The following LAPTM4B variants were observed in gnomAD, a reference collection of about 807,000 sequenced individuals.
LAPTM4B encodes the protein lysosomal protein transmembrane 4 beta.
Under a neutral mutation model 28.5 loss-of-function variants are expected in LAPTM4B, and 26 were observed. The observed-to-expected ratio is 0.91, with a 90% CI of 0.67 to 1.27. The LOEUF (loss-of-function observed/expected upper bound fraction) is 1.27, where lower values mean the gene tolerates loss of function less well. Among genes scored for constraint, LAPTM4B ranks in the 50% most tolerant of loss-of-function variants. The pLI is 0.00. For synonymous variants in LAPTM4B, 109 were observed against 106.4 expected (o/e 1.02, Z -0.15); for missense variants, 288 against 285.8 (o/e 1.01, Z -0.06).
At chr8:97,809,079 T>C (rs1418633743) in intron 2 of LAPTM4B, among the ~76,000 whole-genome samples, 1 of 152,154 alleles carries the variant, frequency 6.6e-6, no homozygotes, top group African/African-American at 2.4e-5. Flanking sequence ...TATAAAACAA[T>C]TACTATTTTA....
chr8:97,824,139 GT>G (rs1259223879), intron 5 of LAPTM4B, among the ~76,000 whole-genome samples: 1 of 151,972 alleles, frequency 6.6e-6, no homozygotes, highest in African/African-American at 2.4e-5. Flanking sequence ...GAACATTCAA[GT>G]TTTTGTGTGG....
intron 1 of LAPTM4B, among the ~76,000 whole-genome samples, chr8:97,777,004 C>T (rs1816230246): frequency 6.6e-6 from 1 of 152,032 alleles, no homozygotes. Flanking sequence ...GAGTCGGATT[C>T]CGCTGCATTT....
chr8:97,818,375 A>C (rs1445678235), intron 4 of LAPTM4B, among the ~76,000 whole-genome samples: 3 of 152,186 alleles, frequency 2.0e-5, no homozygotes, highest in Non-Finnish European at 4.4e-5. Context: ...AAAAGATGAG[A>C]TAGCACAGTA....
At chr8:97,824,889 A>G (rs986266943) in intron 5 of LAPTM4B, among the ~76,000 whole-genome samples, 169 bp from the exon 6 acceptor site, 1 of 151,570 alleles carries the variant, frequency 6.6e-6, no homozygotes, top group Non-Finnish European at 1.5e-5. Flanking sequence ...AGAAGTTACT[A>G]TACCCAACAT....
At chr8:97,816,419 T>C (rs1459497419) in intron 4 of LAPTM4B, among the ~76,000 whole-genome samples, 1 of 151,946 alleles carries the variant, frequency 6.6e-6, no homozygotes, top group Non-Finnish European at 1.5e-5. Context: ...GGTCTCAGCC[T>C]CCCAGCTAGC....
chr8:97,795,489 C>T (rs1816567008), intron 1 of LAPTM4B, among the ~76,000 whole-genome samples: 1 of 152,118 alleles, frequency 6.6e-6, no homozygotes, highest in African/African-American at 2.4e-5. Context: ...GCAAAGACCC[C>T]TGTATCTTAT....
At chr8:97,817,349 G>C (rs1045908686) in intron 4 of LAPTM4B, among the ~76,000 whole-genome samples, 1 of 151,634 alleles carries the variant, frequency 6.6e-6, no homozygotes, top group Non-Finnish European at 1.5e-5. Flanking sequence ...TGTTGCCCAG[G>C]CTTGTCTCAA....
intron 1 of LAPTM4B, among the ~76,000 whole-genome samples, chr8:97,801,791 C>T (rs1563606844): frequency 6.7e-6 from 1 of 148,278 alleles, no homozygotes. Context: ...TTGCGGTGAG[C>T]CGAGCTTGCG....
intron 5 of LAPTM4B, among the ~76,000 whole-genome samples, chr8:97,820,605 C>A (rs1816988637): frequency 1.3e-5 from 2 of 152,132 alleles, no homozygotes; most frequent in Non-Finnish European, 2.9e-5. Context: ...AAATGGCTCA[C>A]ACCTGTGATC....
intron 1 of LAPTM4B, among the ~76,000 whole-genome samples, chr8:97,780,776 T>C (rs1393925754): frequency 6.6e-6 from 1 of 152,206 alleles, no homozygotes; most frequent in Non-Finnish European, 1.5e-5. Flanking sequence ...GTTTTACTTT[T>C]AAAAGTTGTG....
chr8:97,782,628 G>T (rs1447007389), intron 1 of LAPTM4B, among the ~76,000 whole-genome samples: 6 of 151,250 alleles, frequency 4.0e-5, no homozygotes, highest in Non-Finnish European at 4.4e-5. Flanking sequence ...GGTAGAGACG[G>T]GGTTTCACCA....
intron 2 of LAPTM4B, among the ~76,000 whole-genome samples, chr8:97,811,093 T>G (rs1484454234): frequency 6.6e-6 from 1 of 152,206 alleles, no homozygotes; most frequent in Non-Finnish European, 1.5e-5. Flanking sequence ...TGACCAACAT[T>G]AACGCAGTTA....
intron 6 of LAPTM4B, among the ~76,000 whole-genome samples, chr8:97,828,701 C>T (rs1328314775): frequency 6.6e-6 from 1 of 152,202 alleles, no homozygotes; most frequent in Non-Finnish European, 1.5e-5. Context: ...AGGACAACTG[C>T]GGCTAAGGAA....
In LAPTM4B at chr8:97,812,624, C is replaced by T. The variant is rs190350671; in HGVS notation, c.212-2704C>T. On this transcript the variant is annotated intron_variant, in intron 2 of 6. Transcript: ENST00000521545. The stretch of plus-strand genomic sequence containing the variant: ...AGGCTAGCCATTTTACTATTCTTCT[C>T]TAGAATTGAAGAATGGATGGAAAGC... Among the ~76,000 whole-genome samples, 16 of 152,270 alleles carry T rather than the reference C, an allele frequency of 1.1e-4. No homozygotes were observed. In the East Asian group the frequency reaches 3.1e-3, roughly 29 times the overall value.
intron 6 of LAPTM4B, among the ~76,000 whole-genome samples, chr8:97,847,155 G>A (rs1359787795): frequency 6.6e-6 from 1 of 152,154 alleles, no homozygotes; most frequent in Non-Finnish European, 1.5e-5. Context: ...GAACTTCTGA[G>A]GTCATTAGCA....
At chr8:97,782,279 CTTTTTTTTTT>C (rs34322160) in intron 1 of LAPTM4B, among the ~76,000 whole-genome samples, 1 of 50,238 alleles carries the variant, frequency 2.0e-5, no homozygotes, top group Non-Finnish European at 3.6e-5. Flanking sequence ...CCATGCCCAG[CTTTTTTTTTT>C]TTTTTTTTTT....
intron 6 of LAPTM4B, among the ~76,000 whole-genome samples, chr8:97,833,248 C>T (rs1259717434): frequency 3.3e-5 from 5 of 151,902 alleles, no homozygotes; most frequent in Non-Finnish European, 5.9e-5. Flanking sequence ...GCAGGAGAAT[C>T]GCTTGAACCT....
At chr8:97,794,532 T>C (rs1209545378) in intron 1 of LAPTM4B, among the ~76,000 whole-genome samples, 1 of 151,880 alleles carries the variant, frequency 6.6e-6, no homozygotes, top group East Asian at 1.9e-4. Context: ...AAATCTAATT[T>C]CCCCCCAGAA....
At chr8:97,776,238 C>A in intron 1 of LAPTM4B, 130 bp downstream of exon 1, 1 of 1,140,870 alleles carries the variant, frequency 8.8e-7, no homozygotes, top group Non-Finnish European at 1.2e-6. Flanking sequence ...AAACTTAATT[C>A]TCCGGGTGCC....
Sources: gnomAD v4.1 joint callset for allele counts (sites outside exome capture counted in the v4.1 genomes callset) on GRCh38, gnomAD v4.1.1 for gene constraint, MANE v1.5 for transcripts, NCBI Gene and HGNC (gene_info 2026-07-23, HGNC 2026-07-21) for gene names.